Variants in SEMA3A observed in about 807,000 individuals in gnomAD.
SEMA3A encodes the protein semaphorin-3A.
In SEMA3A, 29 loss-of-function variants were observed where a neutral mutation model predicts 97.9. The observed-to-expected ratio is 0.30, with a 90% confidence interval of 0.22 to 0.40. The LOEUF is 0.40. Ranked by LOEUF, SEMA3A falls within the 10% of genes least tolerant of loss-of-function variation. The probability of loss-of-function intolerance (pLI) is 1.00; values close to 1 mark genes in which losing one functional copy is unlikely to be tolerated. For synonymous variants in SEMA3A, 321 were observed against 323.7 expected, an observed-to-expected ratio of 0.99 and a Z score of 0.09; for missense variants, 763 against 951.3, an observed-to-expected ratio of 0.80 and a Z score of 2.60.
intron 3 of SEMA3A, among the ~76,000 whole-genome samples, chr7:84,286,486 G>C (rs1008688296): frequency 6.6e-6 from 1 of 152,130 alleles, no homozygotes; most frequent in African/African-American, 2.4e-5. Context: ...CTCTAGGAAA[G>C]AAAACCGTAT....
chr7:84,188,143 T>C (rs576911422), intron 1 of SEMA3A, among the ~76,000 whole-genome samples: 1 of 152,228 alleles, frequency 6.6e-6, no homozygotes, highest in South Asian at 2.1e-4. Context: ...ATTCAGGAGA[T>C]GACAAGATTC....
intron 1 of SEMA3A, among the ~76,000 whole-genome samples, chr7:84,390,052 G>T (rs1201762166): frequency 6.6e-6 from 1 of 151,962 alleles, no homozygotes; most frequent in African/African-American, 2.4e-5. Flanking sequence ...TTTCCACATG[G>T]TGACATATTA....
At chr7:83,968,804 C>CTTTTTTTT (rs34837012) in intron 15 of SEMA3A, among the ~76,000 whole-genome samples, 4 of 86,966 alleles carry the variant, frequency 4.6e-5, no homozygotes, top group Non-Finnish European at 6.3e-5. Flanking sequence ...CTTTTCTTTC[C>CTTTTTTTT]TTTTTTTTTT....
At chr7:84,358,229 G>A (rs1023961215) in intron 2 of SEMA3A, among the ~76,000 whole-genome samples, 5 of 152,052 alleles carry the variant, frequency 3.3e-5, no homozygotes, top group Admixed American at 6.6e-5. Flanking sequence ...TGTCCTGAAC[G>A]GTATTGCCTA....
intron 6 of SEMA3A, among the ~76,000 whole-genome samples, chr7:84,024,852 C>G (rs1198564034): frequency 2.0e-5 from 3 of 152,142 alleles, no homozygotes; most frequent in Admixed American, 2.0e-4. Flanking sequence ...CTTTGGGAGG[C>G]CGAGGCAGGT....
rs1280607733 is a variant in SEMA3A at position 83,965,648 on chromosome 7, ATATATATATATATATATATTTTTTTTTT to A, written c.1718-2329_1718-2302del. Among the ~76,000 whole-genome samples the A allele has an allele frequency of 4.7e-4, 4 of 8,526 alleles. No homozygotes were observed. The East Asian group carries it at 0.018, about 39-fold the overall frequency. The allele number at this position is 8,526 out of a possible 152,430, so 5.6% of individuals were successfully genotyped here. A position where few individuals can be genotyped will look rare whatever the true frequency, so the allele number is the denominator to read the frequency against. ...GGTGCATATATATATATATATATAT[ATATATATATATATATATATTTTTTTTTT>A]TTTTTTTTTTTTTTTTTTTTTTGAG... On this transcript the variant is annotated intron_variant, in intron 15 of 16. Coordinates refer to ENST00000265362, the MANE Select transcript of SEMA3A (RefSeq NM_006080.3).
intron 3 of SEMA3A, among the ~76,000 whole-genome samples, chr7:84,214,713 T>C (rs1355282656): frequency 1.3e-5 from 2 of 151,138 alleles, no homozygotes; most frequent in Non-Finnish European, 3.0e-5. Context: ...TTTTTTTTTT[T>C]TTTGAGACAG....
At position 84,221,416 on chromosome 7, in the gene SEMA3A, A is replaced by G. The variant is rs77460817; in HGVS notation, c.-82-26748T>C. On this transcript the variant is annotated intron_variant, in intron 3 of 3. Coordinates refer to the SEMA3A transcript ENST00000424555. ...GAATTTGCTTCAAGAACTTCTTTGC[A>G]TTCATAACTTGGCTAGATTTTTGGT... Among the ~76,000 whole-genome samples the G allele has an allele frequency of 2.6e-5, 4 of 152,256 alleles. No homozygotes were observed. In the East Asian group the frequency reaches 7.7e-4, roughly 29 times the overall value.
intron 5 of SEMA3A, among the ~76,000 whole-genome samples, chr7:84,053,582 CT>C (rs199668592): frequency 0.82 from 110,899 of 135,892 alleles, 45,879 homozygotes; most frequent in African/African-American, 0.96. Flanking sequence ...TTCCTCCATC[CT>C]TTTATTTTGA....
chr7:84,484,408 A>G (rs1248710339), intron 1 of SEMA3A, among the ~76,000 whole-genome samples: 1 of 151,940 alleles, frequency 6.6e-6, no homozygotes, highest in Non-Finnish European at 1.5e-5. Flanking sequence ...TTTTTTTTAA[A>G]TTATAGAGTA....
At chr7:83,990,410 T>C (rs1441132962) in intron 12 of SEMA3A, among the ~76,000 whole-genome samples, 1 of 149,494 alleles carries the variant, frequency 6.7e-6, no homozygotes, top group East Asian at 2.0e-4. Flanking sequence ...ATGTCCTGAA[T>C]GGTAATGCCT....
intron 3 of SEMA3A, among the ~76,000 whole-genome samples, chr7:84,294,317 G>A (rs538658410): frequency 2.0e-5 from 3 of 151,942 alleles, no homozygotes; most frequent in Non-Finnish European, 4.4e-5. Flanking sequence ...TCACTGACCT[G>A]AAGGAAGGAA....
chr7:84,418,779 G>A (rs1435439340), intron 1 of SEMA3A, among the ~76,000 whole-genome samples: 1 of 151,866 alleles, frequency 6.6e-6, no homozygotes, highest in Admixed American at 6.6e-5. Context: ...TCAGGCTTTG[G>A]GACTTGGACT....
chr7:84,017,907 A>G (rs2116430937), intron 6 of SEMA3A, among the ~76,000 whole-genome samples: 1 of 152,160 alleles, frequency 6.6e-6, no homozygotes, highest in South Asian at 2.1e-4. Flanking sequence ...AGCTTTATAA[A>G]TCCCCAGATT....
intron 3 of SEMA3A, among the ~76,000 whole-genome samples, chr7:84,230,513 C>T (rs996400696): frequency 6.6e-6 from 1 of 151,972 alleles, no homozygotes. Flanking sequence ...TTGGTACTTT[C>T]TCCTATGCAC....
chr7:84,150,821 T>C (rs1238825790), intron 1 of SEMA3A, among the ~76,000 whole-genome samples: 3 of 151,972 alleles, frequency 2.0e-5, no homozygotes, highest in Non-Finnish European at 2.9e-5. Flanking sequence ...CAGTAACCTC[T>C]GCAGACTTAA....
At chr7:84,181,240 AT>A (rs1797726796) in intron 1 of SEMA3A, among the ~76,000 whole-genome samples, 1 of 150,920 alleles carries the variant, frequency 6.6e-6, no homozygotes, top group South Asian at 2.1e-4. Flanking sequence ...ATATTTTATC[AT>A]TTATTTTTAT....
chr7:84,221,731 T>C (rs1240971600), intron 3 of SEMA3A, among the ~76,000 whole-genome samples: 1 of 151,996 alleles, frequency 6.6e-6, no homozygotes, highest in East Asian at 1.9e-4. Context: ...CTGTCTTACA[T>C]AGGCATAGTT....
At chr7:84,158,677 C>A (rs1462078152) in intron 1 of SEMA3A, among the ~76,000 whole-genome samples, 1 of 152,034 alleles carries the variant, frequency 6.6e-6, no homozygotes, top group Non-Finnish European at 1.5e-5. Context: ...ACAGCCTGTA[C>A]CTAACACAGT....
Sources: gnomAD v4.1 joint callset for allele counts (sites outside exome capture counted in the v4.1 genomes callset) on GRCh38, gnomAD v4.1.1 for gene constraint, MANE v1.5 for transcripts, NCBI Gene and HGNC (gene_info 2026-07-23, HGNC 2026-07-21) for gene names.